Variants in CSMD1 observed in about 807,000 individuals in gnomAD.
The protein encoded by CSMD1 is CUB and sushi domain-containing protein 1.
A neutral mutation model predicts 417.5 loss-of-function variants in CSMD1; 213 were observed. The observed-to-expected ratio is 0.51, with a 90% CI of 0.46 to 0.57. The LOEUF (loss-of-function observed/expected upper bound fraction) is 0.57. CSMD1 is among the 20% of genes least tolerant of loss of function. CSMD1 has a pLI of 0.00. For missense variants in CSMD1, 6,923 were observed against 4,529.7 expected (o/e 1.53, Z -15.17); for synonymous variants, 2,862 against 1,736.8 (o/e 1.65, Z -16.11).
chr8:3,137,721 C>T (rs551452190), intron 41 of CSMD1, among the ~76,000 whole-genome samples: 1 of 152,284 alleles, frequency 6.6e-6, no homozygotes, highest in South Asian at 2.1e-4. Context: ...TTCTGTATCG[C>T]TCAGGGAACG....
At chr8:3,726,892 T>C (rs1414570208) in intron 6 of CSMD1, among the ~76,000 whole-genome samples, 1 of 152,210 alleles carries the variant, frequency 6.6e-6, no homozygotes, top group Non-Finnish European at 1.5e-5. Context: ...TTAAAAAACA[T>C]GAGGAAATAT....
intron 1 of CSMD1, among the ~76,000 whole-genome samples, chr8:4,819,013 A>G (rs1799368212): frequency 6.6e-6 from 1 of 152,154 alleles, no homozygotes; most frequent in African/African-American, 2.4e-5. Flanking sequence ...GCTATGTTTC[A>G]TGGCTGGTGA....
chr8:4,526,161 C>T (rs573727005), intron 2 of CSMD1, among the ~76,000 whole-genome samples: 1 of 152,060 alleles, frequency 6.6e-6, no homozygotes, highest in Non-Finnish European at 1.5e-5. Context: ...TAAGAGAGAA[C>T]CAACATTTGT....
intron 7 of CSMD1, among the ~76,000 whole-genome samples, chr8:3,664,438 G>A (rs532878714): frequency 6.6e-6 from 1 of 152,132 alleles, no homozygotes; most frequent in Admixed American, 6.5e-5. Context: ...TGTTATTCTG[G>A]GCAAAATGGA....
At chr8:4,076,626 C>T (rs754394642) in intron 3 of CSMD1, among the ~76,000 whole-genome samples, 5 of 152,116 alleles carry the variant, frequency 3.3e-5, no homozygotes. Context: ...TTGCCTGTTA[C>T]CTTTATTATA....
At chr8:4,945,802 A>G (rs13266252) in intron 1 of CSMD1, among the ~76,000 whole-genome samples, 39,499 of 151,952 alleles carry the variant, frequency 0.26, 6,279 homozygotes, top group East Asian at 0.4. Flanking sequence ...GAGGTTAAGT[A>G]GGCAGCAGAA....
At chr8:4,148,855 G>A (rs573931466) in intron 3 of CSMD1, among the ~76,000 whole-genome samples, 1 of 152,194 alleles carries the variant, frequency 6.6e-6, no homozygotes, top group Admixed American at 6.5e-5. Context: ...TCCTGGGAAA[G>A]ATGGCACATG....
chr8:3,191,135 A>G (rs1197191296), intron 33 of CSMD1, among the ~76,000 whole-genome samples: 1 of 152,158 alleles, frequency 6.6e-6, no homozygotes, highest in Non-Finnish European at 1.5e-5. Flanking sequence ...AGTCCTCTCT[A>G]AAGTCACCTA....
chr8:3,352,153 G>A (rs1808465248), intron 21 of CSMD1, among the ~76,000 whole-genome samples: 1 of 152,156 alleles, frequency 6.6e-6, no homozygotes, highest in Non-Finnish European at 1.5e-5. Flanking sequence ...AGAAACATGG[G>A]TGGGGAAGGA....
chr8:4,623,756 ATATAATTTGG>A, intron 2 of CSMD1, among the ~76,000 whole-genome samples: 4 of 152,170 alleles, frequency 2.6e-5, no homozygotes, highest in African/African-American at 9.7e-5. Flanking sequence ...TATATATTTC[ATATAATTTGG>A]CATATATAAT....
At chr8:4,359,545 C>G (rs1268203710) in intron 3 of CSMD1, among the ~76,000 whole-genome samples, 1 of 152,234 alleles carries the variant, frequency 6.6e-6, no homozygotes, top group Non-Finnish European at 1.5e-5. Flanking sequence ...TTCCAATCCT[C>G]TTGCGCAGAA....
intron 10 of CSMD1, among the ~76,000 whole-genome samples, chr8:3,574,307 C>A (rs142928883): frequency 9.5e-4 from 145 of 152,354 alleles, no homozygotes; most frequent in African/African-American, 3.4e-3. Context: ...GTGGCACGAT[C>A]TTGGCCCACT....
At chr8:2,965,313 C>T (rs1178757569) in intron 59 of CSMD1, among the ~76,000 whole-genome samples, 2 of 152,174 alleles carry the variant, frequency 1.3e-5, no homozygotes, top group African/African-American at 4.8e-5. Context: ...GTCTCGGCAA[C>T]CAAACCCCAT....
chr8:3,311,867 AT>A (rs1461335027), intron 23 of CSMD1, among the ~76,000 whole-genome samples: 1 of 152,196 alleles, frequency 6.6e-6, no homozygotes, highest in Non-Finnish European at 1.5e-5. Context: ...TCAGTAGTTT[AT>A]AGCCATAAGC....
chr8:3,334,103 G>C (rs973162273), intron 23 of CSMD1, among the ~76,000 whole-genome samples: 4 of 152,226 alleles, frequency 2.6e-5, no homozygotes, highest in Non-Finnish European at 5.9e-5. Flanking sequence ...CGCACACAGA[G>C]TGTCTACTGA....
intron 2 of CSMD1, among the ~76,000 whole-genome samples, chr8:4,458,821 T>C (rs1276898085): frequency 6.6e-6 from 1 of 152,112 alleles, no homozygotes; most frequent in African/African-American, 2.4e-5. Flanking sequence ...TTCAATTAGA[T>C]CCAAAGACCC....
chr8:3,549,635 G>C (rs1013344111), intron 10 of CSMD1, among the ~76,000 whole-genome samples: 1 of 152,174 alleles, frequency 6.6e-6, no homozygotes, highest in African/African-American at 2.4e-5. Flanking sequence ...AGAAACCTCA[G>C]CTAGCATGAT....
At chr8:4,085,036 T>A (rs907158228) in intron 3 of CSMD1, among the ~76,000 whole-genome samples, 4 of 152,134 alleles carry the variant, frequency 2.6e-5, no homozygotes, top group Non-Finnish European at 5.9e-5. Flanking sequence ...TATCCACAAA[T>A]TCTAAAGTTC....
intron 1 of CSMD1, among the ~76,000 whole-genome samples, chr8:4,706,086 C>T (rs1807920341): frequency 6.7e-6 from 1 of 150,124 alleles, no homozygotes; most frequent in African/African-American, 2.4e-5. Flanking sequence ...AAAATTTTAA[C>T]ATATAATATA....
Sources: allele counts gnomAD v4.1 joint callset (sites outside exome capture counted in the v4.1 genomes callset), GRCh38; gene constraint gnomAD v4.1.1; transcripts MANE v1.5; gene names NCBI Gene and HGNC (gene_info 2026-07-23, HGNC 2026-07-21).